Variants in NCAM2 observed in about 807,000 individuals in gnomAD.
The protein encoded by NCAM2 is N-CAM-2.
A neutral mutation model predicts 98.1 loss-of-function variants in NCAM2; 30 were observed. The observed-to-expected ratio is 0.31, with a 90% CI of 0.23 to 0.41. The LOEUF (loss-of-function observed/expected upper bound fraction) is 0.41, where lower values mean the gene tolerates loss of function less well. Among genes scored for constraint, NCAM2 ranks in the 10% least tolerant of loss-of-function variants. NCAM2 has a pLI of 1.00. For missense variants in NCAM2, 867 were observed against 1,005.8 expected (o/e 0.86, Z 1.87); for synonymous variants, 368 against 342.4 (o/e 1.07, Z -0.83).
intron 5 of NCAM2, among the ~76,000 whole-genome samples, chr21:21,312,435 C>T (rs1729849087): frequency 1.3e-5 from 2 of 151,222 alleles, no homozygotes; most frequent in Non-Finnish European, 3.0e-5. Context: ...ATATTAGGTT[C>T]AGAGGTTTCT....
chr21:21,183,047 C>G (rs923629128), intron 1 of NCAM2, among the ~76,000 whole-genome samples: 1 of 152,154 alleles, frequency 6.6e-6, no homozygotes, highest in Non-Finnish European at 1.5e-5. Context: ...ACTGTGCATA[C>G]ATTCTGTGAT....
intron 1 of NCAM2, among the ~76,000 whole-genome samples, chr21:21,171,737 A>T (rs1004518781): frequency 6.6e-6 from 1 of 152,180 alleles, no homozygotes; most frequent in East Asian, 1.9e-4. Context: ...TCTTTTCTGT[A>T]GCTAAAAGGT....
intron 15 of NCAM2, among the ~76,000 whole-genome samples, chr21:21,495,011 A>G (rs1057082401): frequency 2.0e-5 from 3 of 151,828 alleles, no homozygotes; most frequent in Non-Finnish European, 4.4e-5. Context: ...CAACATTTCT[A>G]TACAAGCATA....
intron 1 of NCAM2, among the ~76,000 whole-genome samples, chr21:21,083,955 C>T (rs2065860113): frequency 6.6e-6 from 1 of 152,124 alleles, no homozygotes; most frequent in African/African-American, 2.4e-5. Context: ...TGGATGGTGT[C>T]TTAGGCCATT....
At chr21:21,433,815 A>C (rs1195282344) in intron 12 of NCAM2, among the ~76,000 whole-genome samples, 1 of 148,788 alleles carries the variant, frequency 6.7e-6, no homozygotes, top group Non-Finnish European at 1.5e-5. Flanking sequence ...AGAGAGAAAA[A>C]GGAGGGTGGT....
chr21:21,481,595 G>T (rs1985891426), intron 15 of NCAM2, among the ~76,000 whole-genome samples: 1 of 152,040 alleles, frequency 6.6e-6, no homozygotes, highest in South Asian at 2.1e-4. Flanking sequence ...GAGCAGAGGA[G>T]GGAAAAAGCC....
chr21:21,145,835 G>T (rs2067261139), intron 1 of NCAM2, among the ~76,000 whole-genome samples: 1 of 152,152 alleles, frequency 6.6e-6, no homozygotes, highest in Non-Finnish European at 1.5e-5. Flanking sequence ...TTATAGGGAA[G>T]ATAGTAACTC....
At chr21:21,537,717 T>G (rs1020155967) in intron 17 of NCAM2, 129 bp from the exon 18 acceptor site, 1 of 437,066 alleles carries the variant, frequency 2.3e-6, no homozygotes, top group Non-Finnish European at 4.1e-6. Flanking sequence ...AAATAGTAAC[T>G]TATTTAGCAT....
chr21:21,217,198 A>G (rs7278295), intron 1 of NCAM2, among the ~76,000 whole-genome samples: 13,304 of 152,194 alleles, frequency 0.087, 1,100 homozygotes, highest in East Asian at 0.35. Flanking sequence ...GATCACAATC[A>G]TAACACACCA....
intron 15 of NCAM2, among the ~76,000 whole-genome samples, chr21:21,496,944 C>T (rs1281667490): frequency 2.0e-5 from 3 of 151,766 alleles, no homozygotes; most frequent in Non-Finnish European, 1.5e-5. Context: ...TCTGTTCTGT[C>T]TAAGAGCATT....
chr21:21,377,873 T>G (rs895999811), intron 9 of NCAM2, among the ~76,000 whole-genome samples: 1 of 151,928 alleles, frequency 6.6e-6, no homozygotes, highest in Non-Finnish European at 1.5e-5. Context: ...CTGACATCAT[T>G]TTACTCTGTT....
intron 8 of NCAM2, among the ~76,000 whole-genome samples, chr21:21,364,614 G>T (rs232503): frequency 1.3e-5 from 2 of 151,486 alleles, no homozygotes; most frequent in East Asian, 3.9e-4. Context: ...ATATACACAT[G>T]TATATACATG....
rs1437936143 is a variant in NCAM2 at position 21,291,123 on chromosome 21, A to G, written c.482-981A>G. Among the ~76,000 whole-genome samples the G allele has an allele frequency of 4.6e-5, 7 of 152,020 alleles. No homozygotes were observed. In the East Asian group the frequency reaches 1.4e-3, roughly 29 times the overall value. ...TAATCACCTTTCTACCTGATCAAAA[A>G]TCCCAAAGGGATAGAGGCGGGGTGT... On this transcript the variant is annotated intron_variant, in intron 4 of 17. Transcript: ENST00000400546.
chr21:21,202,824 C>G (rs1482841002), intron 1 of NCAM2, among the ~76,000 whole-genome samples: 1 of 152,066 alleles, frequency 6.6e-6, no homozygotes, highest in Non-Finnish European at 1.5e-5. Context: ...AATGAAAACT[C>G]TTAAATATTT....
intron 1 of NCAM2, among the ~76,000 whole-genome samples, chr21:21,145,240 A>G (rs549433970): frequency 7.2e-4 from 110 of 152,216 alleles, no homozygotes; most frequent in Middle Eastern, 3.2e-3. Context: ...AATTATTTTT[A>G]TAATAGATTC....
chr21:21,019,036 C>A (rs1261228297), intron 1 of NCAM2, among the ~76,000 whole-genome samples: 1 of 152,200 alleles, frequency 6.6e-6, no homozygotes, highest in Non-Finnish European at 1.5e-5. Context: ...TTCCTGCCAG[C>A]ACATGGCAGT....
chr21:21,460,642 G>A (rs1432367610), intron 12 of NCAM2, among the ~76,000 whole-genome samples: 2 of 151,844 alleles, frequency 1.3e-5, no homozygotes, highest in Admixed American at 6.6e-5. Flanking sequence ...ATAAATTCAA[G>A]CACTAACTGC....
chr21:21,099,818 T>C (rs1309011402), intron 1 of NCAM2, among the ~76,000 whole-genome samples: 2 of 151,926 alleles, frequency 1.3e-5, no homozygotes, highest in African/African-American at 4.8e-5. Context: ...CGATCCCAGT[T>C]CACCTAACCC....
At chr21:21,242,220 T>C (rs1378067039) in intron 1 of NCAM2, among the ~76,000 whole-genome samples, 1 of 137,772 alleles carries the variant, frequency 7.3e-6, no homozygotes, top group Non-Finnish European at 1.5e-5. Flanking sequence ...ATATTTTAAT[T>C]GACAAATAAT....
Sources: allele counts gnomAD v4.1 joint callset (sites outside exome capture counted in the v4.1 genomes callset), GRCh38; gene constraint gnomAD v4.1.1; transcripts MANE v1.5; gene names NCBI Gene and HGNC (gene_info 2026-07-23, HGNC 2026-07-21).